CA4: variants seen among roughly 807,000 people sequenced by gnomAD.
The protein encoded by CA4 is carbonic anhydrase 4.
A neutral mutation model predicts 34.5 loss-of-function variants in CA4; 24 were observed. The ratio of observed to expected loss-of-function variants is 0.70; its 90% confidence interval spans 0.50 to 0.98. CA4 has a LOEUF of 0.98. Among genes scored for constraint, CA4 ranks in the 50% least tolerant of loss-of-function variants. The probability of loss-of-function intolerance (pLI) is 0.00; values close to 1 mark genes in which losing one functional copy is unlikely to be tolerated. For synonymous variants in CA4, 178 were observed against 170.6 expected (o/e 1.04, Z -0.34); for missense variants, 394 against 396.7 (o/e 0.99, Z 0.06).
chr17:60,162,512 T>G (rs1225078235), downstream of CA4, among the ~76,000 whole-genome samples: 1 of 150,480 alleles, frequency 6.6e-6, no homozygotes, highest in Non-Finnish European at 1.5e-5. Flanking sequence ...CTCCTTTCAT[T>G]CATTTCTGAG....
the CA4 span, among the ~76,000 whole-genome samples, chr17:60,177,641 G>A: frequency 6.6e-6 from 1 of 152,170 alleles, no homozygotes; most frequent in African/African-American, 2.4e-5. Context: ...AAACTATAAA[G>A]TATGCATTTT....
intron 5 of CA4, 57 bp from the exon 6 acceptor site, chr17:60,158,004 T>G (rs1277900038): frequency 6.2e-7 from 1 of 1,601,072 alleles, no homozygotes; most frequent in Non-Finnish European, 8.5e-7. Context: ...GAGAATGAAC[T>G]GGCCACCACC....
intron 6 of CA4, 62 bp downstream of exon 6, chr17:60,158,189 G>A (rs937022655): frequency 6.2e-7 from 1 of 1,605,916 alleles, no homozygotes. Flanking sequence ...ACAAAGGAAG[G>A]GGTGGGTGTG....
rs536981491 is a variant in CA4 at position 60,167,756 on chromosome 17, CA to C, written c.*179-2794del. ...CTGGGTGTACAAGGTGCTTGATTCT[CA>C]GATTCTGCTATTCCCTAGCTCCATG... On this transcript the variant is annotated intron_variant and NMD_transcript_variant, in intron 5 of 5. Coordinates refer to the CA4 transcript ENST00000586876. Among the ~76,000 whole-genome samples, 201 of 152,298 alleles carry C rather than the reference CA, an allele frequency of 1.3e-3. 1 individual carries two copies. Among genetic ancestry groups the C allele is most frequent in the Middle Eastern group, 0.01 (3 of 294 alleles).
intron 5 of CA4, among the ~76,000 whole-genome samples, chr17:60,166,307 G>A (rs2083855038): frequency 6.6e-6 from 1 of 152,060 alleles, no homozygotes; most frequent in Admixed American, 6.6e-5. Flanking sequence ...ACGGGGTTTC[G>A]CCATTTAGCC....
intron 5 of CA4, among the ~76,000 whole-genome samples, chr17:60,169,242 C>G (rs941528148): frequency 3.7e-5 from 5 of 134,772 alleles, no homozygotes; most frequent in Non-Finnish European, 5.9e-5. Flanking sequence ...GAGAGACTCC[C>G]TCTGTCTCAA....
chr17:60,159,225 C>G lies in CA4; in HGVS notation c.745-5C>G, dbSNP rs549334435. The G allele has an allele frequency of 6.3e-7, 1 of 1,594,504 alleles. No individual in the cohort carries two copies. On this transcript the variant is annotated splice_polypyrimidine_tract_variant and splice_region_variant and intron_variant, in intron 7 of 7. Transcript: ENST00000300900. Reference sequence around the variant, plus strand: ...CCGACCTGCTGAGCCCCATCACTTCCGCAGATCCTGGCATTCTCTCAGAAG... The same window carrying G: ...CCGACCTGCTGAGCCCCATCACTTCGGCAGATCCTGGCATTCTCTCAGAAG...
downstream of CA4, among the ~76,000 whole-genome samples, chr17:60,172,246 C>T (rs2083917281): frequency 1.3e-5 from 2 of 152,194 alleles, no homozygotes; most frequent in African/African-American, 2.4e-5. Flanking sequence ...CTCCTCCAAC[C>T]AGGCACATTT....
chr17:60,177,124 TAAGTCAGAAAGAA>T, the CA4 span, among the ~76,000 whole-genome samples: 1 of 152,164 alleles, frequency 6.6e-6, no homozygotes, highest in Admixed American at 6.5e-5. Flanking sequence ...ATCCCCTCTG[TAAGTCAGAAAGAA>T]ATTATTCAAG....
intron 5 of CA4, among the ~76,000 whole-genome samples, chr17:60,165,611 GCCGTGGGATTACACACATGT>G (rs2145301043): frequency 6.6e-6 from 1 of 152,172 alleles, no homozygotes; most frequent in African/African-American, 2.4e-5. Flanking sequence ...TTCCCCAGGA[GCCGTGGGATTACACACATGT>G]CCATCTCTCT....
At position 60,152,496 on chromosome 17, in the gene CA4, CAGAG is replaced by C. The variant is rs1279220221; in HGVS notation, c.58+2405_58+2408del. On this transcript the variant is annotated intron_variant, in intron 1 of 7. Coordinates refer to ENST00000300900, the MANE Select transcript of CA4 (RefSeq NM_000717.5). Reference sequence around the variant, plus strand: ...CCACTACAAACCTAGGAGCTGCGGCCAGAGCCAGGGAAGACCAAATTCCTAAGAA... The same window carrying C: ...CCACTACAAACCTAGGAGCTGCGGCCCCAGGGAAGACCAAATTCCTAAGAA... 3.3e-5 allele frequency among the ~76,000 whole-genome samples: 5 copies of C among 152,364 alleles called. No individual in the cohort carries two copies. The South Asian group carries it at 1.0e-3, about 32-fold the overall frequency.
At chr17:60,176,067 T>C in the CA4 span, among the ~76,000 whole-genome samples, 1 of 152,150 alleles carries the variant, frequency 6.6e-6, no homozygotes, top group Non-Finnish European at 1.5e-5. Context: ...CCACCTGCTT[T>C]GGCCTTCCAA....
chr17:60,155,591 A>G (rs1434236149), intron 2 of CA4, among the ~76,000 whole-genome samples: 2 of 150,402 alleles, frequency 1.3e-5, no homozygotes, highest in African/African-American at 2.5e-5. Flanking sequence ...ACAGAAACAC[A>G]CACACAACAC....
downstream of CA4, among the ~76,000 whole-genome samples, chr17:60,175,768 T>C (rs892286944): frequency 6.6e-6 from 1 of 151,966 alleles, no homozygotes; most frequent in African/African-American, 2.4e-5. Flanking sequence ...GTTTGTTCCT[T>C]TCCTTAAACA....
intron 1 of CA4, among the ~76,000 whole-genome samples, chr17:60,153,753 C>T (rs1567727860): frequency 6.6e-6 from 1 of 152,152 alleles, no homozygotes; most frequent in African/African-American, 2.4e-5. Flanking sequence ...GCTGGGGTGG[C>T]GAGTGGCCAC....
intron 1 of CA4, among the ~76,000 whole-genome samples, chr17:60,153,066 G>A (rs937310025): frequency 1.3e-5 from 2 of 152,142 alleles, no homozygotes; most frequent in Non-Finnish European, 2.9e-5. Context: ...GGCTGGGCAC[G>A]GTGGCTCACA....
chr17:60,162,546 TACACACACACAC>T (rs770876140), downstream of CA4, among the ~76,000 whole-genome samples: 22 of 132,228 alleles, frequency 1.7e-4, no homozygotes, highest in African/African-American at 5.0e-4. Context: ...CTGCATGGGG[TACACACACACAC>T]ACACACACAC....
the CA4 span, among the ~76,000 whole-genome samples, chr17:60,177,472 C>A: frequency 6.6e-6 from 1 of 152,128 alleles, no homozygotes; most frequent in Non-Finnish European, 1.5e-5. Context: ...TCTGCTAGTT[C>A]ATGAATTAAA....
rs1227619714 is a variant in CA4, at chr17:60,159,450, CTG to C, written c.*28_*29del. Reference sequence around the variant, plus strand: ...TGGCTCACTTCTGCACGCAGCCTCTCTGTTGCCTCAGCTCTCCAAGTTCCAGG... The same window carrying C: ...TGGCTCACTTCTGCACGCAGCCTCTCTTGCCTCAGCTCTCCAAGTTCCAGG... On this transcript the variant is annotated 3_prime_UTR_variant, in exon 8 of 8. Transcript: ENST00000300900. The C allele has an allele frequency of 5.0e-6, 8 of 1,606,554 alleles. No homozygotes were observed. In the Admixed American group the frequency reaches 1.2e-4, roughly 24 times the overall value.
Sources: allele counts gnomAD v4.1 joint callset (sites outside exome capture counted in the v4.1 genomes callset), GRCh38; gene constraint gnomAD v4.1.1; transcripts MANE v1.5; gene names NCBI Gene and HGNC (gene_info 2026-07-23, HGNC 2026-07-21).